Variants in BLOC1S3 observed in about 807,000 individuals in gnomAD.
The protein encoded by BLOC1S3 is biogenesis of lysosomal organelles complex 1 subunit 3, also known as biogenesis of lysosome-related organelles complex 1 subunit 3.
Under a neutral mutation model 9.1 loss-of-function variants are expected in BLOC1S3, and 7 were observed. That is an observed-to-expected ratio of 0.77 (90% CI 0.44 to 1.45). The LOEUF is 1.45. Ranked by LOEUF, BLOC1S3 falls within the 40% of genes most tolerant of loss-of-function variation. BLOC1S3 has a pLI of 0.01. For synonymous variants in BLOC1S3, 145 were observed against 158.4 expected (o/e 0.92, Z 0.64); for missense variants, 307 against 315.2 (o/e 0.97, Z 0.20).
intron 2 of BLOC1S3, among the ~76,000 whole-genome samples, chr19:45,195,859 T>C (rs1969644575): frequency 6.6e-6 from 1 of 152,168 alleles, no homozygotes; most frequent in Non-Finnish European, 1.5e-5. Context: ...CCTCCCAAAG[T>C]GGTGGGATTA....
chr19:45,213,035 G>A, intron 3 of BLOC1S3: 1 of 1,456,184 alleles, frequency 6.9e-7, no homozygotes. Flanking sequence ...CAGCAGCATA[G>A]ATGGGGTCAC....
At chr19:45,183,498 G>A (rs959329417), downstream of BLOC1S3, among the ~76,000 whole-genome samples, 9 of 150,842 alleles carry the variant, frequency 6.0e-5, no homozygotes, top group Non-Finnish European at 8.9e-5. Flanking sequence ...AAGTAGGTGC[G>A]GATCAACCAG....
chr19:45,179,608 C>G lies in BLOC1S3; in HGVS notation c.312C>G (p.Pro104=). The G allele has an allele frequency of 6.8e-7, 1 of 1,472,992 alleles. No individual in the cohort carries two copies. The allele number at this position is 1,472,992 out of a possible 1,614,324, so 91.2% of individuals were successfully genotyped here. The change falls in exon 2 of 2, where the codon CCC becomes CCG. Residue 104 remains proline, a synonymous_variant. Coordinates refer to ENST00000433642, the MANE Select transcript of BLOC1S3 (RefSeq NM_212550.5). This position sits in a 1 kb window ranked among gnomAD's most constrained non-coding sequence, Gnocchi z 4.6. ...CGGAGGAGGCCCCGGCGCCCGCCCC[C>G]GCGCGCTCGCTCCTGCAACTTCGGC... ...WGTEEAPAPA[P]ARSLLQLRLA...
chr19:45,215,568 T>C lies in BLOC1S3; in HGVS notation n.283-1108T>C, dbSNP rs776310226. ...CTGGAATTGTTACTATAGTCATGGA[T>C]GATGATGATGATGATGATGATGATA... On this transcript the variant is annotated intron_variant and non_coding_transcript_variant, in intron 3 of 3. Transcript: ENST00000591569. 2.3e-4 allele frequency among the ~76,000 whole-genome samples: 35 copies of C among 150,612 alleles called. 1 individual carries two copies. The highest frequency in any genetic ancestry group is 1.7e-3 in the Admixed American group (25 of 15,132).
At chr19:45,182,794 A>C (rs1345167335), downstream of BLOC1S3, among the ~76,000 whole-genome samples, 2 of 152,240 alleles carry the variant, frequency 1.3e-5, no homozygotes, top group African/African-American at 4.8e-5. Flanking sequence ...CTAGGATTAC[A>C]GGCATGAGCC....
In BLOC1S3 at chr19:45,206,462, T is replaced by TTTTTTTTTTTTTTTG. The variant is rs970984062; in HGVS notation, n.282+3966_282+3967insTTTGTTTTTTTTTTT. Among the ~76,000 whole-genome samples the TTTTTTTTTTTTTTTG allele has an allele frequency of 4.1e-4, 47 of 115,502 alleles. 3 individuals carry two copies. The highest frequency in any genetic ancestry group is 3.1e-3 in the South Asian group (11 of 3,524). 75.8% of individuals were successfully genotyped at this position (115,502 alleles called of 152,430 possible). A position where few individuals can be genotyped will look rare whatever the true frequency, so the allele number is the denominator to read the frequency against. On this transcript the variant is annotated intron_variant and non_coding_transcript_variant, in intron 3 of 3. Transcript: ENST00000591569. ...TTGGATTAATCAAGTTTTTTTTTTT[T>TTTTTTTTTTTTTTTG]TTTTTTTTTTTGAGCAAGGATCTCA...
chr19:45,209,893 G>A lies in BLOC1S3; in HGVS notation n.283-6783G>A, dbSNP rs148437142. ...ATTATAGGCATGCGCCACCACGCCC[G>A]GCTAATTTTTGTATTTTTAGTAAAG... On this transcript the variant is annotated intron_variant and non_coding_transcript_variant, in intron 3 of 3. Coordinates refer to the BLOC1S3 transcript ENST00000591569. 1.1e-3 allele frequency among the ~76,000 whole-genome samples: 171 copies of A among 150,950 alleles called. 1 individual carries two copies. The highest frequency in any genetic ancestry group is 2.1e-3 in the Non-Finnish European group (142 of 67,820).
rs755972620 is a variant in BLOC1S3 at position 45,187,853 on chromosome 19, C to T, written n.180+113C>T. 1.1e-4 allele frequency: 16 copies of T among 152,168 alleles called. No homozygotes were observed. The South Asian group carries it at 1.2e-3, about 12-fold the overall frequency. The allele number at this position is 152,168 out of a possible 1,614,324, so 9.4% of individuals were successfully genotyped here. On this transcript the variant is annotated intron_variant and non_coding_transcript_variant, in intron 2 of 3. Coordinates refer to the BLOC1S3 transcript ENST00000591569. ...TGCACATAACCTATGCATACCCTCC[C>T]GTGCACTTTATTTTTTTTTAATTTT...
chr19:45,200,251 C>T (rs921653868), intron 2 of BLOC1S3, among the ~76,000 whole-genome samples: 11 of 150,874 alleles, frequency 7.3e-5, no homozygotes, highest in African/African-American at 1.2e-4. Context: ...ACACGATCTC[C>T]GCTCACTGCA....
chr19:45,199,243 C>T (rs1032229331), intron 2 of BLOC1S3, among the ~76,000 whole-genome samples: 5 of 151,406 alleles, frequency 3.3e-5, no homozygotes, highest in East Asian at 3.9e-4. Context: ...TTTCTCTTTA[C>T]GGCCAATAAA....
At chr19:45,209,115 C>T (rs888679085) in intron 3 of BLOC1S3, among the ~76,000 whole-genome samples, 3 of 151,890 alleles carry the variant, frequency 2.0e-5, no homozygotes, top group African/African-American at 7.3e-5. Flanking sequence ...ATGGTGCTAC[C>T]TCGGCTCACT....
intron 3 of BLOC1S3, among the ~76,000 whole-genome samples, chr19:45,211,802 A>G (rs1361592325): frequency 1.7e-5 from 1 of 60,486 alleles, no homozygotes; most frequent in Non-Finnish European, 4.2e-5. Flanking sequence ...TTCTCAGGGA[A>G]AAAAAAAAAA....
Position 45,216,180 on chromosome 19 carries a change from C to A in BLOC1S3, n.283-496C>A, listed in dbSNP as rs1482757962. The A allele has an allele frequency of 1.9e-6, 3 of 1,613,734 alleles. No individual in the cohort carries two copies. In the South Asian group the frequency reaches 3.3e-5, roughly 18 times the overall value. ...AATGGGGCACCACGGCATCCAGCCACGAGGCCTGGGACTCCTGCAGGGGAG... is the reference window on the plus strand; with the variant it reads ...AATGGGGCACCACGGCATCCAGCCAAGAGGCCTGGGACTCCTGCAGGGGAG... On this transcript the variant is annotated intron_variant and non_coding_transcript_variant, in intron 3 of 3. Transcript: ENST00000591569.
At chr19:45,183,623 C>CT (rs57651816), downstream of BLOC1S3, among the ~76,000 whole-genome samples, 4,271 of 105,078 alleles carry the variant, frequency 0.041, 257 homozygotes, top group African/African-American at 0.092. Flanking sequence ...CTTTTCTTTT[C>CT]TTTTTTTTTT....
In BLOC1S3 at chr19:45,179,604, C is replaced by T. The variant is rs534944981; in HGVS notation, c.308C>T (p.Ala103Val). Residue 103 changes from alanine (A) to valine (V), a missense_variant, in exon 2 of 2, where the codon GCC becomes GTC. Coordinates refer to ENST00000433642, the MANE Select transcript of BLOC1S3 (RefSeq NM_212550.5). This position sits in a 1 kb window ranked among gnomAD's most constrained non-coding sequence, Gnocchi z 4.6. ...AWGTEEAPAP[A>V]PARSLLQLRL... is the part of the protein sequence containing the mutation. ...GGCACGGAGGAGGCCCCGGCGCCCG[C>T]CCCCGCGCGCTCGCTCCTGCAACTT... is the stretch of plus-strand genomic sequence containing the variant. 136 of 1,473,696 alleles carry T rather than the reference C, an allele frequency of 9.2e-5. No homozygotes were observed. Among genetic ancestry groups the T allele is most frequent in the Non-Finnish European group, 1.2e-4 (132 of 1,119,146 alleles). The allele number at this position is 1,473,696 out of a possible 1,614,324, so 91.3% of individuals were successfully genotyped here.
rs568684458 is a variant in BLOC1S3 at position 45,216,089 on chromosome 19, C to T, written n.283-587C>T. 33 of 1,613,820 alleles carry T rather than the reference C, an allele frequency of 2.0e-5. No homozygotes were observed. Among genetic ancestry groups the T allele is most frequent in the Middle Eastern group, 1.6e-4 (1 of 6,062 alleles). The stretch of plus-strand genomic sequence containing the variant: ...GTGTCTCACCTGATGTCTGGGTAGT[C>T]GCGCACCAACACTCCCACCTCCACC... On this transcript the variant is annotated intron_variant and non_coding_transcript_variant, in intron 3 of 3. Transcript: ENST00000591569.
At chr19:45,210,784 A>G (rs1969763606) in intron 3 of BLOC1S3, among the ~76,000 whole-genome samples, 2 of 152,182 alleles carry the variant, frequency 1.3e-5, no homozygotes, top group African/African-American at 4.8e-5. Flanking sequence ...ATGGAGGACC[A>G]ACATCTGAAA....
chr19:45,216,048 C>T (rs1297751085), intron 3 of BLOC1S3: 1 of 1,612,010 alleles, frequency 6.2e-7, no homozygotes, highest in Non-Finnish European at 8.5e-7. Context: ...GCACGGCGAG[C>T]CCTGGCCCAG....
chr19:45,209,866 T>G (rs1969755244), intron 3 of BLOC1S3, among the ~76,000 whole-genome samples: 1 of 151,252 alleles, frequency 6.6e-6, no homozygotes, highest in Non-Finnish European at 1.5e-5. Flanking sequence ...CAAGTAGCTG[T>G]GATTATAGGC....
Sources: gnomAD v4.1 joint callset for allele counts (sites outside exome capture counted in the v4.1 genomes callset) on GRCh38, gnomAD v4.1.1 for gene constraint, Gnocchi (gnomAD v3.1) non-coding constraint, MANE v1.5 for transcripts, NCBI Gene and HGNC (gene_info 2026-07-23, HGNC 2026-07-21) for gene names.